Variants in PLPP2 observed in about 807,000 individuals in gnomAD.
The protein encoded by PLPP2 is phospholipid phosphatase 2, also known as PAP2-gamma.
Under a neutral mutation model 35.2 loss-of-function variants are expected in PLPP2, and 29 were observed. That is an observed-to-expected ratio of 0.82 (90% CI 0.61 to 1.12). PLPP2 has a LOEUF of 1.12. PLPP2 is among the 50% of genes most tolerant of loss of function. PLPP2 has a pLI of 0.00. For synonymous variants in PLPP2, 162 were observed against 167.0 expected (o/e 0.97, Z 0.23); for missense variants, 353 against 375.2 (o/e 0.94, Z 0.49).
chr19:282,028 C>T, intron 5 of PLPP2, 106 bp downstream of exon 5: 1 of 1,305,522 alleles, frequency 7.7e-7, no homozygotes, highest in Non-Finnish European at 1.1e-6. Context: ...AGGGAGGAGG[C>T]CCAAGGAAGG....
At chr19:291,217 T>C (rs1384773375) in intron 1 of PLPP2, 68 bp downstream of exon 1, 3 of 1,588,714 alleles carry the variant, frequency 1.9e-6, no homozygotes, top group African/African-American at 1.4e-5. Flanking sequence ...CCTGCAAACT[T>C]GCGCGCAGCC....
At chr19:289,671 C>A (rs2145278601) in intron 1 of PLPP2, among the ~76,000 whole-genome samples, 1 of 152,180 alleles carries the variant, frequency 6.6e-6, no homozygotes, top group South Asian at 2.1e-4. Flanking sequence ...CCACTGCACA[C>A]CAGCCTGGCG....
intron 3 of PLPP2, chr19:285,328 A>C (rs986188376): frequency 6.6e-6 from 1 of 151,476 alleles, no homozygotes; most frequent in Non-Finnish European, 1.5e-5. Flanking sequence ...GTTACTCGGC[A>C]GGCTGAGGCA....
intron 1 of PLPP2, 194 bp downstream of exon 1, chr19:291,091 C>G (rs1026268015): frequency 4.5e-6 from 6 of 1,336,504 alleles, no homozygotes; most frequent in Non-Finnish European, 5.7e-6. Flanking sequence ...GACGCGGGGA[C>G]CCCCGAGCCT....
At chr19:281,959 G>A (rs1970182038) in intron 5 of PLPP2, 175 bp downstream of exon 5, 3 of 645,790 alleles carry the variant, frequency 4.6e-6, no homozygotes, top group Non-Finnish European at 7.6e-6. Flanking sequence ...GGACTGGGGG[G>A]AAGGATGGGG....
intron 3 of PLPP2, chr19:285,563 C>T (rs1970258259): frequency 6.8e-6 from 1 of 147,640 alleles, no homozygotes. Flanking sequence ...CACGTCACCG[C>T]ACTCCAGCCT....
In PLPP2 at chr19:287,345, C is replaced by T. The variant is rs1017368083; in HGVS notation, c.482+129G>A. 1 of 1,201,336 alleles carries T rather than the reference C, an allele frequency of 8.3e-7. No homozygotes were observed. Among genetic ancestry groups the T allele is most frequent in the Non-Finnish European group, 1.2e-6 (1 of 862,676 alleles). The allele number at this position is 1,201,336 out of a possible 1,614,324, so 74.4% of individuals were successfully genotyped here. A position where few individuals can be genotyped will look rare whatever the true frequency, so the allele number is the denominator to read the frequency against. On this transcript the variant is annotated intron_variant, in intron 3 of 5. Coordinates refer to ENST00000434325, the MANE Select transcript of PLPP2 (RefSeq NM_003712.4). The surrounding 1 kb of genome is among the most constrained non-coding windows in gnomAD (Gnocchi z 4.3). ...ACATACAAGAATGCACTAACTTATA[C>T]AAAAATTAGCCGGGCGTGGTGGCGC...
At position 287,818 on chromosome 19, in the gene PLPP2, G is replaced by T. The variant is rs145238946; in HGVS notation, c.205-67C>A. Reference sequence around the variant, plus strand: ...CCCAGGGGCCCTCACTCCTCCGCACGGGCCTCCCCAAGGCTGCTGGAGAGC... The same window carrying T: ...CCCAGGGGCCCTCACTCCTCCGCACTGGCCTCCCCAAGGCTGCTGGAGAGC... On this transcript the variant is annotated intron_variant, in intron 2 of 5. Transcript: ENST00000434325. This position sits in a 1 kb window ranked among gnomAD's most constrained non-coding sequence, Gnocchi z 4.3. 1 of 1,581,952 alleles carries T rather than the reference G, an allele frequency of 6.3e-7. No homozygotes were observed. Among genetic ancestry groups the T allele is most frequent in the African/African-American group, 1.3e-5 (1 of 74,324 alleles).
rs1970188311 is a variant in PLPP2 at position 282,229 on chromosome 19, G to A, written c.622C>T (p.Leu208Phe). 6.2e-7 allele frequency: 1 copy of A among 1,613,786 alleles called. No individual in the cohort carries two copies. The highest frequency in any genetic ancestry group is 8.5e-7 in the Non-Finnish European group (1 of 1,179,908). Residue 208 changes from leucine (L) to phenylalanine (F), a missense_variant, in exon 5 of 6, where the codon CTC becomes TTC. Leu to Phe is a conservative substitution (Grantham distance 22, BLOSUM62 0). Transcript: ENST00000434325. ...GACACGCGGGTGTAGCCCACGTAGA[G>A]GGCAAAGGCCACCAGGAAGAACTGG... ...TVQFFLVAFA[L>F]YVGYTRVSDY... is the part of the protein sequence containing the mutation.
chr19:281,610 G>A (rs917163231), intron 5 of PLPP2, 73 bp from the exon 6 acceptor site: 6 of 1,336,910 alleles, frequency 4.5e-6, no homozygotes, highest in Non-Finnish European at 5.9e-6. Context: ...TGAGCAGGAG[G>A]GGGAGGAACA....
At chr19:289,171 G>A (rs1271000977) in intron 1 of PLPP2, among the ~76,000 whole-genome samples, 2 of 152,196 alleles carry the variant, frequency 1.3e-5, no homozygotes, top group Non-Finnish European at 2.9e-5. Flanking sequence ...GAGGGCAGGC[G>A]CACAACAAAA....
Position 287,663 on chromosome 19 carries a change from A to C in PLPP2, c.293T>G (p.Val98Gly), listed in dbSNP as rs1600083264. 6.2e-7 allele frequency: 1 copy of C among 1,613,888 alleles called. No individual in the cohort carries two copies. Among genetic ancestry groups the C allele is most frequent in the Admixed American group, 1.7e-5 (1 of 60,026 alleles). Residue 98 changes from valine (V) to glycine (G), a missense_variant, in exon 3 of 6, where the codon GTG becomes GGG. By Grantham distance (109) the Val-to-Gly change is moderately radical. Coordinates refer to ENST00000434325, the MANE Select transcript of PLPP2 (RefSeq NM_003712.4). This position sits in a 1 kb window ranked among gnomAD's most constrained non-coding sequence, Gnocchi z 4.3. Reference protein sequence around the residue: ...FNNYVAAVYKVLGTFLFGAAV... With the variant: ...FNNYVAAVYKGLGTFLFGAAV... ...AGCCCCAAACAGGAAGGTCCCCAGC[A>C]CCTTGTATACAGCAGCCACGTAGTT... is the stretch of plus-strand genomic sequence containing the variant.
rs1970299152 is a variant in PLPP2 at position 287,758 on chromosome 19, G to C, written c.205-7C>G. On this transcript the variant is annotated splice_polypyrimidine_tract_variant and splice_region_variant and intron_variant, in intron 2 of 5. Coordinates refer to ENST00000434325, the MANE Select transcript of PLPP2 (RefSeq NM_003712.4). The surrounding 1 kb of genome is among the most constrained non-coding windows in gnomAD (Gnocchi z 4.3). ...AGGCTTCCCCGGCCGAGACCTGCAA[G>C]AGCAGCCGCAGGAACCAGTGGGGGT... The C allele has an allele frequency of 3.7e-6, 6 of 1,612,480 alleles. No homozygotes were observed. In the East Asian group the frequency reaches 8.9e-5, roughly 24 times the overall value.
chr19:291,043 C>A, intron 1 of PLPP2: 1 of 1,289,526 alleles, frequency 7.8e-7, no homozygotes, highest in South Asian at 2.5e-5. Flanking sequence ...GGCCCCGGCT[C>A]CCCGGGCCTC....
chr19:284,647 T>A (rs1283833268), intron 3 of PLPP2: 1 of 152,082 alleles, frequency 6.6e-6, no homozygotes, highest in Non-Finnish European at 1.5e-5. Context: ...AATACTATGT[T>A]CAAAGAGCCA....
chr19:281,435 C>A lies in PLPP2; in HGVS notation c.820G>T (p.Gly274Cys). The change falls in exon 6 of 6, where the codon GGC (glycine) becomes TGC (cysteine). Residue 274 changes from glycine (G) to cysteine (C), a missense_variant. Transcript: ENST00000434325. Reference protein sequence around the residue: ...KPSLSLTLTLGEADHNHYGYP... With the variant: ...KPSLSLTLTLCEADHNHYGYP... ...CCATAGTGGTTGTGGTCAGCCTCGC[C>A]CAGGGTCAACGTCAGTGACAGGCTG... is the stretch of plus-strand genomic sequence containing the variant. 1 of 1,541,866 alleles carries A rather than the reference C, an allele frequency of 6.5e-7. No homozygotes were observed. Among genetic ancestry groups the A allele is most frequent in the Non-Finnish European group, 8.8e-7 (1 of 1,142,764 alleles).
chr19:282,644 TC>T, intron 4 of PLPP2, 107 bp downstream of exon 4: 1 of 1,217,848 alleles, frequency 8.2e-7, no homozygotes, highest in Non-Finnish European at 1.2e-6. Context: ...TTAGCCCCCC[TC>T]ACCACCACTA....
At chr19:290,922 G>A (rs1600087785) in intron 1 of PLPP2, 13 of 1,225,026 alleles carry the variant, frequency 1.1e-5, no homozygotes, top group Non-Finnish European at 1.2e-5. Context: ...ACCCGCGGCC[G>A]CCCCCACCTC....
chr19:281,825 G>T (rs894469363), intron 5 of PLPP2, among the ~76,000 whole-genome samples: 15 of 146,220 alleles, frequency 1.0e-4, no homozygotes, highest in Non-Finnish European at 1.5e-4. Context: ...GGGGAGGAAT[G>T]GGGGCATGGA....
Sources: allele counts gnomAD v4.1 joint callset (sites outside exome capture counted in the v4.1 genomes callset), GRCh38; gene constraint gnomAD v4.1.1; non-coding constraint Gnocchi (gnomAD v3.1); transcripts MANE v1.5; gene names NCBI Gene and HGNC (gene_info 2026-07-23, HGNC 2026-07-21).